The following ULK4 variants were observed in gnomAD, a reference collection of about 807,000 sequenced individuals.
ULK4 encodes inactive serine/threonine-protein kinase ULK4.
In ULK4, 133 loss-of-function variants were observed where a neutral mutation model predicts 160.6. That is an observed-to-expected ratio of 0.83 (90% confidence interval 0.72 to 0.96). The LOEUF is 0.96. Among genes scored for constraint, ULK4 ranks in the 40% least tolerant of loss-of-function variants. The pLI is 0.00. For missense variants in ULK4, 1,580 were observed against 1,499.5 expected, an observed-to-expected ratio of 1.05 and a Z score of -0.89; for synonymous variants, 534 against 539.8, an observed-to-expected ratio of 0.99 and a Z score of 0.15.
intron 5 of ULK4, among the ~76,000 whole-genome samples, chr3:41,920,433 C>A (rs1028122920): frequency 2.6e-5 from 4 of 152,124 alleles, no homozygotes; most frequent in African/African-American, 9.7e-5. Flanking sequence ...CATTGTGTGC[C>A]CCATATACTT....
chr3:41,929,832 AAG>A (rs1177876298), intron 5 of ULK4, among the ~76,000 whole-genome samples: 1 of 152,152 alleles, frequency 6.6e-6, no homozygotes, highest in Non-Finnish European at 1.5e-5. Flanking sequence ...TCAAAGAAAT[AAG>A]AGAGGACACA....
At chr3:41,380,700 C>T (rs1308520420) in intron 35 of ULK4, among the ~76,000 whole-genome samples, 1 of 152,120 alleles carries the variant, frequency 6.6e-6, no homozygotes, top group African/African-American at 2.4e-5. Flanking sequence ...GCCCAGGCCC[C>T]CCAGGTCAGC....
At chr3:41,287,585 A>G (rs2079486212) in intron 35 of ULK4, among the ~76,000 whole-genome samples, 1 of 152,198 alleles carries the variant, frequency 6.6e-6, no homozygotes, top group African/African-American at 2.4e-5. Flanking sequence ...CAGAGTTATG[A>G]CTGATGGAGG....
At position 41,500,848 on chromosome 3, in the gene ULK4, T is replaced by C. The variant is rs988204135; in HGVS notation, c.3227-37595A>G. ...TGTGATGGCAAATTTTTGTTATAAA[T>C]GTGATCTTGTGTGCCTTCTGGGTTT... On this transcript the variant is annotated intron_variant, in intron 32 of 36. Transcript: ENST00000301831. 2.6e-5 allele frequency among the ~76,000 whole-genome samples: 4 copies of C among 152,214 alleles called. No individual in the cohort carries two copies. In the South Asian group the frequency reaches 8.3e-4, roughly 31 times the overall value.
At chr3:41,659,628 G>A (rs1357166877) in intron 30 of ULK4, among the ~76,000 whole-genome samples, 1 of 151,378 alleles carries the variant, frequency 6.6e-6, no homozygotes, top group African/African-American at 2.4e-5. Flanking sequence ...ATGTCCTTTG[G>A]AGGCATAAAA....
chr3:41,815,132 C>T (rs1190516736), intron 19 of ULK4, among the ~76,000 whole-genome samples: 1 of 152,170 alleles, frequency 6.6e-6, no homozygotes, highest in Non-Finnish European at 1.5e-5. Flanking sequence ...TGTTCTTGAA[C>T]TCCTGACCTC....
At chr3:41,344,594 G>T (rs1575451407) in intron 35 of ULK4, among the ~76,000 whole-genome samples, 1 of 151,574 alleles carries the variant, frequency 6.6e-6, no homozygotes, top group Non-Finnish European at 1.5e-5. Flanking sequence ...TCTACTAAAA[G>T]TACAAAAAAT....
chr3:41,323,346 A>T (rs1251695696), intron 35 of ULK4, among the ~76,000 whole-genome samples: 2 of 148,866 alleles, frequency 1.3e-5, no homozygotes, highest in Non-Finnish European at 3.0e-5. Flanking sequence ...GTGAATATTG[A>T]AGGGGAAGGA....
chr3:41,727,291 T>A (rs902269884), intron 22 of ULK4, among the ~76,000 whole-genome samples: 4 of 152,236 alleles, frequency 2.6e-5, no homozygotes, highest in Non-Finnish European at 4.4e-5. Context: ...ATTCAATAAC[T>A]ATTTACCGTG....
chr3:41,649,027 C>T (rs1190273287), intron 30 of ULK4, among the ~76,000 whole-genome samples: 1 of 151,908 alleles, frequency 6.6e-6, no homozygotes, highest in Non-Finnish European at 1.5e-5. Flanking sequence ...ACTTGGGAAG[C>T]TGAGGCAGGC....
At chr3:41,761,324 TTA>T (rs1304986129) in intron 21 of ULK4, among the ~76,000 whole-genome samples, 1 of 77,676 alleles carries the variant, frequency 1.3e-5, no homozygotes, top group Non-Finnish European at 2.2e-5. Context: ...ATATACTATG[TTA>T]TGTTATATAT....
chr3:41,858,516 T>A (rs1201264520), intron 17 of ULK4, among the ~76,000 whole-genome samples: 1 of 149,908 alleles, frequency 6.7e-6, no homozygotes, highest in Non-Finnish European at 1.5e-5. Flanking sequence ...TCAATTTTTT[T>A]TTTTTTTTTT....
intron 33 of ULK4, among the ~76,000 whole-genome samples, chr3:41,456,030 C>T (rs1350540014): frequency 1.3e-5 from 2 of 152,190 alleles, no homozygotes; most frequent in Admixed American, 1.3e-4. Context: ...CTGACTCAGC[C>T]TCCTGAGTAG....
chr3:41,351,799 C>T (rs1036866236), intron 35 of ULK4, among the ~76,000 whole-genome samples: 3 of 152,170 alleles, frequency 2.0e-5, no homozygotes, highest in African/African-American at 7.2e-5. Flanking sequence ...CAGCATCAGA[C>T]ACCCAAGGGA....
intron 29 of ULK4, among the ~76,000 whole-genome samples, chr3:41,680,055 A>G (rs2125788403): frequency 6.6e-6 from 1 of 152,264 alleles, no homozygotes; most frequent in Admixed American, 6.5e-5. Flanking sequence ...CAAAAACTAC[A>G]TTTAAGGAAT....
intron 17 of ULK4, among the ~76,000 whole-genome samples, chr3:41,860,494 A>G (rs777724774): frequency 6.6e-6 from 1 of 152,152 alleles, no homozygotes; most frequent in Non-Finnish European, 1.5e-5. Context: ...GGCTCCTCTT[A>G]CAGATTTTGT....
At chr3:41,499,468 T>C (rs979506998) in intron 32 of ULK4, among the ~76,000 whole-genome samples, 1 of 151,874 alleles carries the variant, frequency 6.6e-6, no homozygotes, top group African/African-American at 2.4e-5. Flanking sequence ...ATGTGTAGAG[T>C]GTTGAGGGCA....
intron 22 of ULK4, among the ~76,000 whole-genome samples, chr3:41,720,475 A>G (rs1241421386): frequency 6.6e-6 from 1 of 152,168 alleles, no homozygotes; most frequent in Non-Finnish European, 1.5e-5. Flanking sequence ...GACCAACTGG[A>G]GAAAAATATT....
At chr3:41,297,255 T>C (rs2079688282) in intron 35 of ULK4, among the ~76,000 whole-genome samples, 1 of 152,206 alleles carries the variant, frequency 6.6e-6, no homozygotes, top group African/African-American at 2.4e-5. Context: ...GGACTCCTTC[T>C]GAAACCCTAG....
Sources: allele counts gnomAD v4.1 joint callset (sites outside exome capture counted in the v4.1 genomes callset), GRCh38; gene constraint gnomAD v4.1.1; transcripts MANE v1.5; gene names NCBI Gene and HGNC (gene_info 2026-07-23, HGNC 2026-07-21).